EPHA5: variants seen among roughly 807,000 people sequenced by gnomAD.
The protein encoded by EPHA5 is EPH receptor A5.
A neutral mutation model predicts 105.0 loss-of-function variants in EPHA5; 60 were observed. That is an observed-to-expected ratio of 0.57 (90% CI 0.46 to 0.71). The LOEUF (loss-of-function observed/expected upper bound fraction) is 0.71. Among genes scored for constraint, EPHA5 ranks in the 30% least tolerant of loss-of-function variants. The pLI is 0.00. For missense variants in EPHA5, 1,218 were observed against 1,274.7 expected (o/e 0.96, Z 0.68); for synonymous variants, 513 against 449.1 (o/e 1.14, Z -1.80).
chr4:65,412,203 GGGCCATAGA>G (rs1297000730), intron 7 of EPHA5, among the ~76,000 whole-genome samples: 1 of 152,104 alleles, frequency 6.6e-6, no homozygotes, highest in Non-Finnish European at 1.5e-5. Flanking sequence ...ACTCCAGTCT[GGGCCATAGA>G]GTGAGACTCT....
chr4:65,383,275 A>C (rs1300996072), intron 8 of EPHA5, among the ~76,000 whole-genome samples: 1 of 150,844 alleles, frequency 6.6e-6, no homozygotes, highest in Non-Finnish European at 1.5e-5. Flanking sequence ...CAATTCCATT[A>C]AGAAAATTAA....
intron 2 of EPHA5, among the ~76,000 whole-genome samples, chr4:65,614,815 T>G (rs893670892): frequency 2.6e-5 from 4 of 151,782 alleles, no homozygotes. Flanking sequence ...AAAAGTGTTT[T>G]AAACCTGGGA....
rs371531262 is a variant in EPHA5, at chr4:65,421,982, C to A, written c.1403-1417G>T. ...TTAATCAGTTCTTCAATAAAATAAT[C>A]ATTTGTGGGTAAAGACAACAAATAA... On this transcript the variant is annotated intron_variant, in intron 5 of 16. Coordinates refer to ENST00000613740, the MANE Select transcript of EPHA5 (RefSeq NM_001281766.3). 1.6e-3 allele frequency among the ~76,000 whole-genome samples: 239 copies of A among 152,160 alleles called. 1 individual carries two copies. The highest frequency in any genetic ancestry group is 5.3e-3 in the African/African-American group (221 of 41,530).
At chr4:65,382,830 A>C (rs1719691093) in intron 8 of EPHA5, among the ~76,000 whole-genome samples, 1 of 151,708 alleles carries the variant, frequency 6.6e-6, no homozygotes, top group South Asian at 2.1e-4. Context: ...GAGATACTCA[A>C]TAAACACGTA....
intron 5 of EPHA5, among the ~76,000 whole-genome samples, chr4:65,436,625 T>C (rs762046154): frequency 1.1e-4 from 17 of 152,148 alleles, no homozygotes; most frequent in Non-Finnish European, 2.5e-4. Flanking sequence ...TCTGAATATG[T>C]ACAAACTTCA....
intron 2 of EPHA5, among the ~76,000 whole-genome samples, chr4:65,626,438 T>C (rs920712345): frequency 3.1e-4 from 47 of 152,210 alleles, no homozygotes; most frequent in Non-Finnish European, 7.3e-5. Context: ...GTGTTACTAA[T>C]TTAAATTCAG....
chr4:65,407,376 T>C (rs1722464074), intron 7 of EPHA5, among the ~76,000 whole-genome samples: 1 of 152,102 alleles, frequency 6.6e-6, no homozygotes, highest in Admixed American at 6.6e-5. Context: ...AAATATAACA[T>C]TTTGGTAGTG....
intron 5 of EPHA5, among the ~76,000 whole-genome samples, chr4:65,489,287 T>C (rs1731184478): frequency 6.6e-6 from 1 of 152,192 alleles, no homozygotes; most frequent in African/African-American, 2.4e-5. Flanking sequence ...GCTGAGACTT[T>C]GTAACCAACA....
At chr4:65,635,040 A>C (rs1330456946) in intron 2 of EPHA5, among the ~76,000 whole-genome samples, 1 of 152,162 alleles carries the variant, frequency 6.6e-6, no homozygotes, top group Non-Finnish European at 1.5e-5. Context: ...AATCCAGCTT[A>C]AGTTCTTCTT....
intron 3 of EPHA5, among the ~76,000 whole-genome samples, chr4:65,559,803 C>G (rs1738826723): frequency 6.6e-6 from 1 of 152,094 alleles, no homozygotes; most frequent in Non-Finnish European, 1.5e-5. Flanking sequence ...AACAACATTT[C>G]TTTGCTGATT....
intron 8 of EPHA5, among the ~76,000 whole-genome samples, chr4:65,378,783 T>C (rs1226556613): frequency 2.0e-5 from 3 of 151,944 alleles, no homozygotes; most frequent in Admixed American, 6.6e-5. Flanking sequence ...GTTTTCTTTC[T>C]TTCTTTCTTT....
chr4:65,480,605 A>C (rs1730261302), intron 5 of EPHA5, among the ~76,000 whole-genome samples: 1 of 152,214 alleles, frequency 6.6e-6, no homozygotes, highest in Admixed American at 6.5e-5. Context: ...TTTGAGATCC[A>C]GAAACGGCAA....
At chr4:65,466,200 T>C (rs1233606783) in intron 5 of EPHA5, among the ~76,000 whole-genome samples, 1 of 152,180 alleles carries the variant, frequency 6.6e-6, no homozygotes, top group Non-Finnish European at 1.5e-5. Context: ...TTGAGAATGT[T>C]TGAATGAAAG....
At chr4:65,328,902 C>G in intron 16 of EPHA5, among the ~76,000 whole-genome samples, 1 of 151,090 alleles carries the variant, frequency 6.6e-6, no homozygotes, top group South Asian at 2.1e-4. Flanking sequence ...AAAGATTTTG[C>G]CTCTGGATTT....
intron 3 of EPHA5, among the ~76,000 whole-genome samples, chr4:65,539,141 G>A (rs530801366): frequency 1.6e-4 from 24 of 151,608 alleles, no homozygotes; most frequent in African/African-American, 5.8e-4. Context: ...TAGGTGGAGA[G>A]GCATTATAAT....
In EPHA5 at chr4:65,364,897, A is replaced by G. The variant is rs112871779; in HGVS notation, c.2173+120T>C. 4.0e-3 allele frequency: 2,912 copies of G among 721,930 alleles called. 58 individuals are homozygous for G. The African/African-American group carries it at 0.046, about 12-fold the overall frequency. The allele number at this position is 721,930 out of a possible 1,614,324, so 44.7% of individuals were successfully genotyped here. ...AAAAATCTACTAAAATACAGGATAA[A>G]CATTAATATTAGAGAAATTAATATA... On this transcript the variant is annotated intron_variant, in intron 11 of 16. Coordinates refer to ENST00000613740, the MANE Select transcript of EPHA5 (RefSeq NM_001281766.3).
chr4:65,552,188 A>G (rs528436173), intron 3 of EPHA5, among the ~76,000 whole-genome samples: 1 of 152,322 alleles, frequency 6.6e-6, no homozygotes, highest in South Asian at 2.1e-4. Context: ...TAAGAATTAC[A>G]GGAGCTGAGA....
intron 5 of EPHA5, among the ~76,000 whole-genome samples, chr4:65,445,968 G>A (rs192282672): frequency 1.9e-4 from 29 of 152,156 alleles, no homozygotes; most frequent in African/African-American, 7.0e-4. Context: ...TGTCATCTGG[G>A]CCACCACTAT....
chr4:65,369,482 G>A (rs142585373), intron 8 of EPHA5, among the ~76,000 whole-genome samples: 27 of 152,156 alleles, frequency 1.8e-4, no homozygotes, highest in African/African-American at 4.8e-4. Flanking sequence ...GAGAACTACC[G>A]TGTGACGTAA....
Sources: gnomAD v4.1 joint callset for allele counts (sites outside exome capture counted in the v4.1 genomes callset) on GRCh38, gnomAD v4.1.1 for gene constraint, MANE v1.5 for transcripts, NCBI Gene and HGNC (gene_info 2026-07-23, HGNC 2026-07-21) for gene names.